SCYL3: variants seen among roughly 807,000 people sequenced by gnomAD.
The protein encoded by SCYL3 is SCY1 like pseudokinase 3, also known as protein-associating with the carboxyl-terminal domain of ezrin.
SCYL3 carries 35 observed loss-of-function variants against 73.8 expected under a neutral mutation model. The observed-to-expected ratio is 0.47, with a 90% confidence interval of 0.36 to 0.63. SCYL3 has a LOEUF of 0.63. Ranked by LOEUF, SCYL3 falls within the 20% of genes least tolerant of loss-of-function variation. The pLI is 0.00. For synonymous variants in SCYL3, 277 were observed against 295.2 expected, an observed-to-expected ratio of 0.94 and a Z score of 0.63; for missense variants, 712 against 798.9, an observed-to-expected ratio of 0.89 and a Z score of 1.31.
At position 169,853,046 on chromosome 1, in the gene SCYL3, G is replaced by A; in HGVS notation, c.*667C>T. The stretch of plus-strand genomic sequence containing the variant: ...TTGTCAACTGAAAATACTTATGTCT[G>A]TACATTTTCTAACAGATATAAAACA... On this transcript the variant is annotated 3_prime_UTR_variant, in exon 13 of 13. Transcript: ENST00000367771. 1.3e-6 allele frequency: 2 copies of A among 1,536,842 alleles called. No individual in the cohort carries two copies. The highest frequency in any genetic ancestry group is 2.3e-5 in the South Asian group (2 of 87,494).
Position 169,883,856 on chromosome 1 carries a change from C to T in SCYL3, c.165+4820G>A, listed in dbSNP as rs1031718919. On this transcript the variant is annotated intron_variant, in intron 2 of 12. Coordinates refer to ENST00000367771, the MANE Select transcript of SCYL3 (RefSeq NM_020423.7). Reference sequence around the variant, plus strand: ...GCCTCAGCCTCCCAAGTAGCTGGGACTACAGGCGCCCGCTACCACACCCAG... The same window carrying T: ...GCCTCAGCCTCCCAAGTAGCTGGGATTACAGGCGCCCGCTACCACACCCAG... Among the ~76,000 whole-genome samples the T allele has an allele frequency of 9.2e-5, 14 of 151,510 alleles. 1 individual carries two copies. Among genetic ancestry groups the T allele is most frequent in the Admixed American group, 2.0e-4 (3 of 15,190 alleles).
chr1:169,853,040 A>G lies in SCYL3; in HGVS notation c.*673T>C, dbSNP rs928396596. The G allele has an allele frequency of 6.4e-7, 1 of 1,550,958 alleles. No individual in the cohort carries two copies. The highest frequency in any genetic ancestry group is 1.4e-5 in the African/African-American group (1 of 73,172). On this transcript the variant is annotated 3_prime_UTR_variant, in exon 13 of 13. Coordinates refer to ENST00000367771, the MANE Select transcript of SCYL3 (RefSeq NM_020423.7). ...GATGCTTTGTCAACTGAAAATACTT[A>G]TGTCTGTACATTTTCTAACAGATAT...
intron 5 of SCYL3, among the ~76,000 whole-genome samples, chr1:169,873,013 G>A (rs1660526387): frequency 6.6e-6 from 1 of 152,164 alleles, no homozygotes; most frequent in Non-Finnish European, 1.5e-5. Context: ...TTGGGGGACT[G>A]TTGAGAAGAC....
At chr1:169,889,666 G>A (rs186983437) in intron 1 of SCYL3, among the ~76,000 whole-genome samples, 72 of 152,302 alleles carry the variant, frequency 4.7e-4, no homozygotes, top group African/African-American at 4.1e-4. Context: ...CTCACCTAGT[G>A]AAGGGGCACA....
chr1:169,876,849 G>T (rs1425898588), intron 3 of SCYL3, among the ~76,000 whole-genome samples: 4 of 151,594 alleles, frequency 2.6e-5, no homozygotes, highest in Non-Finnish European at 5.9e-5. Context: ...CAGCTACTCG[G>T]GAGGCTGAGA....
chr1:169,863,050 T>C (rs957926586), intron 9 of SCYL3, among the ~76,000 whole-genome samples: 21 of 152,004 alleles, frequency 1.4e-4, no homozygotes, highest in African/African-American at 5.1e-4. Context: ...GTAGCTGGGA[T>C]TACAGGCACC....
At chr1:169,855,705 C>T (rs947587394) in intron 11 of SCYL3, 1 of 1,245,360 alleles carries the variant, frequency 8.0e-7, no homozygotes, top group African/African-American at 1.5e-5. Context: ...ATAAATCAGT[C>T]TCAAAACTCC....
At position 169,854,546 on chromosome 1, in the gene SCYL3, G is replaced by A. The variant is rs766036301; in HGVS notation, c.1731C>T (p.Asp577=). Reference sequence around the variant, plus strand: ...CTTTTGGCGGCTCGATTTGGTCTGCGTCATCCCCCCTTTGTACAAGGCTAA... The same window carrying A: ...CTTTTGGCGGCTCGATTTGGTCTGCATCATCCCCCCTTTGTACAAGGCTAA... ...QKISLVQRGD[D]ADQIEPPKVS... The change falls in exon 12 of 13, where the codon GAC becomes GAT. Residue 577 remains aspartate, a synonymous_variant. Transcript: ENST00000367771. The A allele has an allele frequency of 3.5e-5, 56 of 1,613,748 alleles. No homozygotes were observed. The highest frequency in any genetic ancestry group is 1.7e-4 in the Admixed American group (10 of 59,946).
chr1:169,856,088 G>A (rs1659130951), intron 11 of SCYL3: 1 of 778,740 alleles, frequency 1.3e-6, no homozygotes, highest in Non-Finnish European at 2.0e-6. Context: ...ATGGAGGAGA[G>A]AACATCTTCA....
chr1:169,850,465 G>C lies in SCYL3; in HGVS notation c.*3248C>G, dbSNP rs978768613. ...TAAACTTTTCACAGTGCTGAGCACA[G>C]TGCTGACGACTTTTACTAAGCAATT... On this transcript the variant is annotated 3_prime_UTR_variant, in exon 13 of 13. Coordinates refer to ENST00000367771, the MANE Select transcript of SCYL3 (RefSeq NM_020423.7). 1.5e-6 allele frequency: 1 copy of C among 648,106 alleles called. No homozygotes were observed. Among genetic ancestry groups the C allele is most frequent in the Non-Finnish European group, 2.7e-6 (1 of 375,762 alleles). 40.1% of individuals were successfully genotyped at this position (648,106 alleles called of 1,614,324 possible). A position where few individuals can be genotyped will look rare whatever the true frequency, so the allele number is the denominator to read the frequency against.
chr1:169,872,187 G>A (rs1320729272), intron 5 of SCYL3, among the ~76,000 whole-genome samples: 2 of 152,218 alleles, frequency 1.3e-5, no homozygotes, highest in Non-Finnish European at 2.9e-5. Flanking sequence ...GAGGCCCAGG[G>A]TCCCCATGCT....
intron 3 of SCYL3, among the ~76,000 whole-genome samples, chr1:169,877,206 A>C (rs1012008001): frequency 6.6e-6 from 1 of 152,188 alleles, no homozygotes; most frequent in East Asian, 1.9e-4. Context: ...CCCCAGCTGG[A>C]GTACAGTGGT....
intron 12 of SCYL3, 61 bp downstream of exon 12, chr1:169,854,209 C>G (rs1658886186): frequency 1.5e-6 from 2 of 1,315,846 alleles, no homozygotes; most frequent in African/African-American, 1.5e-5. Context: ...GATACTGCAA[C>G]TAGGACCTAT....
Position 169,849,672 on chromosome 1 carries a change from A to C in SCYL3, c.*4041T>G. On this transcript the variant is annotated 3_prime_UTR_variant, in exon 13 of 13. Transcript: ENST00000367771. The stretch of plus-strand genomic sequence containing the variant: ...TTAATATTTCAAATATTCCAGAACA[A>C]TCCCAAAACATTTATTGAACTGCTT... 1 of 1,227,860 alleles carries C rather than the reference A, an allele frequency of 8.1e-7. No homozygotes were observed. The highest frequency in any genetic ancestry group is 1.2e-6 in the Non-Finnish European group (1 of 842,506). 76.1% of individuals were successfully genotyped at this position (1,227,860 alleles called of 1,614,324 possible). A position where few individuals can be genotyped will look rare whatever the true frequency, so the allele number is the denominator to read the frequency against.
chr1:169,849,785 T>C lies in SCYL3; in HGVS notation c.*3928A>G, dbSNP rs2272917. On this transcript the variant is annotated 3_prime_UTR_variant, in exon 13 of 13. Coordinates refer to ENST00000367771, the MANE Select transcript of SCYL3 (RefSeq NM_020423.7). Reference sequence around the variant, plus strand: ...CAAAATGAGGCTTAGATAAATGAAGTGAATTTCGTAAGGTCCTCTGAATAA... The same window carrying C: ...CAAAATGAGGCTTAGATAAATGAAGCGAATTTCGTAAGGTCCTCTGAATAA... 0.047 allele frequency: 27,666 copies of C among 585,970 alleles called. 890 individuals are homozygous for C. Among genetic ancestry groups the C allele is most frequent in the South Asian group, 0.1 (4,953 of 48,302 alleles). 36.3% of individuals were successfully genotyped at this position (585,970 alleles called of 1,614,324 possible). A position where few individuals can be genotyped will look rare whatever the true frequency, so the allele number is the denominator to read the frequency against.
Position 169,873,684 on chromosome 1 carries a change from A to C in SCYL3, c.522+12T>G. The C allele has an allele frequency of 6.3e-7, 1 of 1,577,856 alleles. No individual in the cohort carries two copies. Among genetic ancestry groups the C allele is most frequent in the Non-Finnish European group, 8.7e-7 (1 of 1,151,604 alleles). ...AAGGCACCTTCATTATATGTGAAGTATATCATCTTACCATCTCTTCAGGAG... is the reference window on the plus strand; with the variant it reads ...AAGGCACCTTCATTATATGTGAAGTCTATCATCTTACCATCTCTTCAGGAG... On this transcript the variant is annotated intron_variant, in intron 5 of 12. Transcript: ENST00000367771.
At chr1:169,862,499 C>G in intron 10 of SCYL3, 114 bp downstream of exon 10, 1 of 1,109,414 alleles carries the variant, frequency 9.0e-7, no homozygotes, top group Non-Finnish European at 1.3e-6. Context: ...TTGTATTCCA[C>G]AGACTGCTGC....
intron 2 of SCYL3, among the ~76,000 whole-genome samples, chr1:169,883,201 C>T (rs1661427442): frequency 6.6e-6 from 1 of 152,194 alleles, no homozygotes; most frequent in South Asian, 2.1e-4. Context: ...TCCGCGGCTT[C>T]ATTCTTGAAG....
chr1:169,856,874 G>A (rs1009249498), intron 11 of SCYL3, among the ~76,000 whole-genome samples: 1 of 152,138 alleles, frequency 6.6e-6, no homozygotes, highest in Non-Finnish European at 1.5e-5. Context: ...AGCCAATGTT[G>A]CTTTAAAAAT....
Sources: gnomAD v4.1 joint callset for allele counts (sites outside exome capture counted in the v4.1 genomes callset) on GRCh38, gnomAD v4.1.1 for gene constraint, MANE v1.5 for transcripts, NCBI Gene and HGNC (gene_info 2026-07-23, HGNC 2026-07-21) for gene names.